KCNIP4: variants seen among roughly 807,000 people sequenced by gnomAD.
KCNIP4 encodes Kv channel-interacting protein 4.
Under a neutral mutation model 34.0 loss-of-function variants are expected in KCNIP4, and 12 were observed. The ratio of observed to expected loss-of-function variants is 0.35; its 90% CI spans 0.23 to 0.57. KCNIP4 has a LOEUF of 0.57. Among genes scored for constraint, KCNIP4 ranks in the 20% least tolerant of loss-of-function variants. KCNIP4 has a pLI of 0.83. For missense variants in KCNIP4, 238 were observed against 311.7 expected (o/e 0.76, Z 1.78); for synonymous variants, 124 against 102.2 (o/e 1.21, Z -1.29).
At chr4:21,841,298 T>A (rs1723661597) in intron 1 of KCNIP4, among the ~76,000 whole-genome samples, 1 of 152,096 alleles carries the variant, frequency 6.6e-6, no homozygotes, top group Non-Finnish European at 1.5e-5. Context: ...TAATCCAAAC[T>A]CAGCAGCCCA....
chr4:21,042,611 G>A (rs982228461), intron 1 of KCNIP4, among the ~76,000 whole-genome samples: 2 of 152,116 alleles, frequency 1.3e-5, no homozygotes, highest in Non-Finnish European at 2.9e-5. Context: ...AGTTCTGGTC[G>A]TCTATTGCAG....
intron 1 of KCNIP4, among the ~76,000 whole-genome samples, chr4:21,180,655 TTA>T (rs1049122752): frequency 6.6e-6 from 1 of 150,604 alleles, no homozygotes; most frequent in African/African-American, 2.5e-5. Context: ...CCTCTAATGT[TTA>T]TATGTGTGTG....
intron 1 of KCNIP4, among the ~76,000 whole-genome samples, chr4:21,135,555 G>A (rs1483473532): frequency 6.6e-6 from 1 of 152,092 alleles, no homozygotes; most frequent in African/African-American, 2.4e-5. Flanking sequence ...TCCTACTGAG[G>A]ATTATTAACT....
chr4:21,203,176 T>C (rs1756610140), intron 1 of KCNIP4, among the ~76,000 whole-genome samples: 1 of 152,186 alleles, frequency 6.6e-6, no homozygotes, highest in African/African-American at 2.4e-5. Context: ...GATTCTGGGA[T>C]CCCAAGTACC....
At chr4:21,115,448 A>G (rs1266989409) in intron 1 of KCNIP4, among the ~76,000 whole-genome samples, 1 of 152,244 alleles carries the variant, frequency 6.6e-6, no homozygotes, top group Admixed American at 6.5e-5. Flanking sequence ...ATAAGAGTTC[A>G]TTACAAATAT....
chr4:20,850,366 G>A, intron 3 of KCNIP4, 177 bp downstream of exon 3: 1 of 617,024 alleles, frequency 1.6e-6, no homozygotes, highest in South Asian at 2.6e-5. Flanking sequence ...CAGCATGGGT[G>A]TGCCACAGAG....
intron 1 of KCNIP4, among the ~76,000 whole-genome samples, chr4:20,897,522 A>G (rs1274417958): frequency 1.5e-5 from 2 of 130,150 alleles, no homozygotes; most frequent in African/African-American, 5.9e-5. Flanking sequence ...TCCCCCCGCC[A>G]CCCACATTCA....
chr4:20,952,558 T>C (rs922294669), intron 1 of KCNIP4, among the ~76,000 whole-genome samples: 3 of 152,170 alleles, frequency 2.0e-5, no homozygotes, highest in Admixed American at 1.3e-4. Context: ...CCATGTAAGG[T>C]TGAGAAATAT....
chr4:21,438,850 G>A (rs904182493), intron 1 of KCNIP4, among the ~76,000 whole-genome samples: 1 of 152,086 alleles, frequency 6.6e-6, no homozygotes, highest in Non-Finnish European at 1.5e-5. Context: ...TATATTAACA[G>A]ATACTGGAAA....
intron 1 of KCNIP4, among the ~76,000 whole-genome samples, chr4:21,825,273 C>T (rs989919123): frequency 3.3e-5 from 5 of 151,000 alleles, no homozygotes; most frequent in African/African-American, 1.2e-4. Context: ...TAGAAATAAA[C>T]ATGAAAAAAA....
intron 1 of KCNIP4, among the ~76,000 whole-genome samples, chr4:21,540,279 AAAG>A (rs1486875510): frequency 6.6e-6 from 1 of 152,178 alleles, no homozygotes; most frequent in Non-Finnish European, 1.5e-5. Flanking sequence ...CAAATATTTA[AAAG>A]AAGAAGTTCT....
intron 1 of KCNIP4, among the ~76,000 whole-genome samples, chr4:21,202,491 C>G (rs1756564492): frequency 1.3e-5 from 2 of 152,152 alleles, no homozygotes; most frequent in Non-Finnish European, 2.9e-5. Context: ...ATGCTCACTT[C>G]TTGGGTAACA....
In KCNIP4 at chr4:20,850,315, T is replaced by C. The variant is rs3765118; in HGVS notation, c.288+228A>G. ...AACCAAGAACTGAATTGAATAAAAC[T>C]TTCTCAGAAACTCTTTGTTTAATGG... is the stretch of plus-strand genomic sequence containing the variant. On this transcript the variant is annotated intron_variant, in intron 3 of 8. Transcript: ENST00000382152. 230 of 377,684 alleles carry C rather than the reference T, an allele frequency of 6.1e-4. 1 individual carries two copies. The highest frequency in any genetic ancestry group is 4.3e-3 in the African/African-American group (217 of 50,116). 23.4% of individuals were successfully genotyped at this position (377,684 alleles called of 1,614,324 possible).
chr4:21,595,439 C>A (rs1047747564), intron 1 of KCNIP4, among the ~76,000 whole-genome samples: 1 of 152,078 alleles, frequency 6.6e-6, no homozygotes, highest in Non-Finnish European at 1.5e-5. Context: ...ATGAATAGTG[C>A]TACAGTAAAC....
At chr4:21,773,575 C>T (rs1718950505) in intron 1 of KCNIP4, among the ~76,000 whole-genome samples, 2 of 152,056 alleles carry the variant, frequency 1.3e-5, no homozygotes, top group African/African-American at 2.4e-5. Flanking sequence ...TCTCTAAGAA[C>T]TTGTTTTATG....
At chr4:21,398,766 T>C (rs1287691741) in intron 1 of KCNIP4, among the ~76,000 whole-genome samples, 2 of 152,214 alleles carry the variant, frequency 1.3e-5, no homozygotes, top group East Asian at 3.9e-4. Flanking sequence ...CTCTCTTTCT[T>C]TCTTTCTCAC....
In KCNIP4 at chr4:21,053,026, T is replaced by C. The variant is rs532776710; in HGVS notation, c.62-170317A>G. ...AGATATGTATACACACACACACACA[T>C]ACACACACACACATATATATATATA... On this transcript the variant is annotated intron_variant, in intron 1 of 8. Transcript: ENST00000382152. Among the ~76,000 whole-genome samples the C allele has an allele frequency of 8.5e-4, 121 of 143,140 alleles. 1 individual carries two copies. Among genetic ancestry groups the C allele is most frequent in the Middle Eastern group, 3.5e-3 (1 of 284 alleles). 93.9% of individuals were successfully genotyped at this position (143,140 alleles called of 152,430 possible). A position where few individuals can be genotyped will look rare whatever the true frequency, so the allele number is the denominator to read the frequency against.
chr4:21,546,335 T>C (rs1017685616), intron 1 of KCNIP4, among the ~76,000 whole-genome samples: 1 of 152,106 alleles, frequency 6.6e-6, no homozygotes, highest in Non-Finnish European at 1.5e-5. Context: ...TTATATTGAA[T>C]GGGTAGTCTA....
intron 1 of KCNIP4, among the ~76,000 whole-genome samples, chr4:21,500,363 T>G (rs779267204): frequency 2.0e-5 from 3 of 152,128 alleles, no homozygotes; most frequent in Non-Finnish European, 4.4e-5. Context: ...GGGTCTTAGT[T>G]TCTGAAATTT....
Sources: allele counts gnomAD v4.1 joint callset (sites outside exome capture counted in the v4.1 genomes callset), GRCh38; gene constraint gnomAD v4.1.1; transcripts MANE v1.5; gene names NCBI Gene and HGNC (gene_info 2026-07-23, HGNC 2026-07-21).